AGBL4: variants seen among roughly 807,000 people sequenced by gnomAD.
The protein encoded by AGBL4 is AGBL carboxypeptidase 4.
A neutral mutation model predicts 66.4 loss-of-function variants in AGBL4; 58 were observed. The observed-to-expected ratio is 0.87, with a 90% confidence interval of 0.71 to 1.09. The LOEUF is 1.09. AGBL4 is among the 50% of genes least tolerant of loss of function. AGBL4 has a pLI of 0.00. For synonymous variants in AGBL4, 234 were observed against 222.9 expected (o/e 1.05, Z -0.44); for missense variants, 579 against 631.0 (o/e 0.92, Z 0.88).
chr1:48,558,097 A>C (rs761326898), intron 11 of AGBL4, among the ~76,000 whole-genome samples: 7 of 152,256 alleles, frequency 4.6e-5, no homozygotes, highest in Non-Finnish European at 8.8e-5. Context: ...ATAGCTACTA[A>C]CAAGAGTATT....
chr1:49,460,588 C>A (rs768663052), intron 3 of AGBL4, among the ~76,000 whole-genome samples: 6 of 151,730 alleles, frequency 4.0e-5, no homozygotes, highest in Non-Finnish European at 7.4e-5. Context: ...AGGCCACTTA[C>A]ATTCAACGTT....
intron 4 of AGBL4, among the ~76,000 whole-genome samples, chr1:49,082,037 G>C (rs770539172): frequency 2.0e-4 from 30 of 152,216 alleles, no homozygotes; most frequent in Admixed American, 5.9e-4. Flanking sequence ...ATTAAGAGGA[G>C]GGCCACCAAA....
At chr1:49,845,350 T>C in intron 2 of AGBL4, 1 of 1,450,486 alleles carries the variant, frequency 6.9e-7, no homozygotes. Flanking sequence ...ATGTGGGAAA[T>C]CCTTCAGTTT....
intron 6 of AGBL4, among the ~76,000 whole-genome samples, chr1:48,711,513 T>C (rs1219160947): frequency 6.6e-6 from 1 of 152,190 alleles, no homozygotes; most frequent in East Asian, 1.9e-4. Context: ...GAAAGTCCCA[T>C]TTGACATTCT....
chr1:49,056,517 G>T (rs1644312206), intron 4 of AGBL4, among the ~76,000 whole-genome samples: 1 of 152,078 alleles, frequency 6.6e-6, no homozygotes, highest in Non-Finnish European at 1.5e-5. Context: ...CAAGCATAAA[G>T]GTCCAAGGGC....
At chr1:49,541,235 C>T (rs549808434) in intron 3 of AGBL4, among the ~76,000 whole-genome samples, 57 of 152,338 alleles carry the variant, frequency 3.7e-4, no homozygotes, top group South Asian at 2.9e-3. Context: ...TCTGGCCATG[C>T]TTGAGGAGCC....
In AGBL4 at chr1:49,849,486, C is replaced by T. The variant is rs4433449; in HGVS notation, c.157+1910G>A. On this transcript the variant is annotated intron_variant, in intron 2 of 13. Transcript: ENST00000371839. ...TTTAAACAAAGTATACATACACACACACACACACACACACACACACACATA... is the reference window on the plus strand; with the variant it reads ...TTTAAACAAAGTATACATACACACATACACACACACACACACACACACATA... Among the ~76,000 whole-genome samples, 282 of 145,510 alleles carry T rather than the reference C, an allele frequency of 1.9e-3. 5 individuals are homozygous for T. The East Asian group carries it at 0.033, about 17-fold the overall frequency.
chr1:48,687,506 G>A (rs1241656057), intron 6 of AGBL4, among the ~76,000 whole-genome samples: 1 of 152,170 alleles, frequency 6.6e-6, no homozygotes, highest in East Asian at 1.9e-4. Context: ...GAGAAATCGT[G>A]GAGGCAGGGA....
chr1:48,593,580 T>A (rs1375842459), intron 9 of AGBL4, among the ~76,000 whole-genome samples: 1 of 151,858 alleles, frequency 6.6e-6, no homozygotes, highest in Non-Finnish European at 1.5e-5. Flanking sequence ...TGAAACCCCA[T>A]CTCTACTAAA....
At chr1:49,311,804 G>T (rs1043627239) in intron 3 of AGBL4, among the ~76,000 whole-genome samples, 3 of 151,832 alleles carry the variant, frequency 2.0e-5, no homozygotes, top group Non-Finnish European at 4.4e-5. Flanking sequence ...TAAAAAAAGA[G>T]TAATAAAGGG....
intron 4 of AGBL4, among the ~76,000 whole-genome samples, chr1:49,121,477 G>T (rs1189201541): frequency 6.6e-6 from 1 of 152,188 alleles, no homozygotes; most frequent in Admixed American, 6.5e-5. Context: ...CGGCAGGTCT[G>T]TTGGAGTTTG....
chr1:49,532,632 A>C (rs1477958549), intron 3 of AGBL4, among the ~76,000 whole-genome samples: 1 of 152,082 alleles, frequency 6.6e-6, no homozygotes, highest in African/African-American at 2.4e-5. Context: ...TTCACCTTTA[A>C]TTACATTTAG....
At chr1:49,449,379 G>A (rs1232465515) in intron 3 of AGBL4, among the ~76,000 whole-genome samples, 1 of 151,964 alleles carries the variant, frequency 6.6e-6, no homozygotes, top group South Asian at 2.1e-4. Flanking sequence ...CAAGATGGAG[G>A]GAATTATTTG....
chr1:48,534,773 C>T, intron 13 of AGBL4, 117 bp downstream of exon 13: 1 of 1,110,582 alleles, frequency 9.0e-7, no homozygotes, highest in Non-Finnish European at 1.3e-6. Context: ...TGAAAATCCA[C>T]ATTCATTGAA....
chr1:49,472,362 C>A (rs1646762299), intron 3 of AGBL4, among the ~76,000 whole-genome samples: 1 of 151,932 alleles, frequency 6.6e-6, no homozygotes, highest in Admixed American at 6.6e-5. Context: ...ACAGATATGG[C>A]AGATATTTAG....
chr1:49,694,075 T>C (rs1044283523), intron 3 of AGBL4, among the ~76,000 whole-genome samples: 4 of 152,170 alleles, frequency 2.6e-5, no homozygotes, highest in Non-Finnish European at 4.4e-5. Flanking sequence ...GACCTGTTTA[T>C]ACAATATATT....
intron 3 of AGBL4, among the ~76,000 whole-genome samples, chr1:49,347,531 G>A (rs546201503): frequency 9.9e-5 from 15 of 151,988 alleles, no homozygotes; most frequent in African/African-American, 1.7e-4. Context: ...GATTACAGGC[G>A]CCCACATGCC....
At chr1:49,579,544 G>A (rs145144968) in intron 3 of AGBL4, among the ~76,000 whole-genome samples, 6 of 152,192 alleles carry the variant, frequency 3.9e-5, no homozygotes, top group Non-Finnish European at 8.8e-5. Flanking sequence ...CTTTCACCCA[G>A]GCCAGACTGC....
At chr1:48,570,955 C>A (rs1231812988) in intron 11 of AGBL4, among the ~76,000 whole-genome samples, 1 of 152,144 alleles carries the variant, frequency 6.6e-6, no homozygotes, top group Non-Finnish European at 1.5e-5. Flanking sequence ...TCCATCCAGG[C>A]AATCAGATGG....
Sources: gnomAD v4.1 joint callset for allele counts (sites outside exome capture counted in the v4.1 genomes callset) on GRCh38, gnomAD v4.1.1 for gene constraint, MANE v1.5 for transcripts, NCBI Gene and HGNC (gene_info 2026-07-23, HGNC 2026-07-21) for gene names.